The following LSAMP variants were observed in gnomAD, a reference collection of about 807,000 sequenced individuals.
LSAMP encodes limbic system associated membrane protein, also known as limbic system-associated membrane protein.
In LSAMP, 7 loss-of-function variants were observed where a neutral mutation model predicts 38.6. That is an observed-to-expected ratio of 0.18 (90% CI 0.10 to 0.34). The LOEUF (loss-of-function observed/expected upper bound fraction) is 0.34, where lower values mean the gene tolerates loss of function less well. LSAMP is among the 10% of genes least tolerant of loss of function. The pLI is 1.00. For missense variants in LSAMP, 313 were observed against 420.0 expected (o/e 0.75, Z 2.23); for synonymous variants, 154 against 166.8 (o/e 0.92, Z 0.59).
chr3:115,947,379 C>T (rs1938133896), intron 3 of LSAMP, among the ~76,000 whole-genome samples: 1 of 152,122 alleles, frequency 6.6e-6, no homozygotes. Context: ...TGGTATGATG[C>T]TGTGCATGAA....
chr3:116,243,839 C>T (rs2046570774), intron 1 of LSAMP, among the ~76,000 whole-genome samples: 2 of 151,984 alleles, frequency 1.3e-5, no homozygotes, highest in Admixed American at 1.3e-4. Flanking sequence ...TAAAGCCAGG[C>T]TTAATTTATT....
intron 1 of LSAMP, among the ~76,000 whole-genome samples, chr3:116,149,173 C>A (rs1709555338): frequency 6.6e-6 from 1 of 151,834 alleles, no homozygotes. Flanking sequence ...GCCCTCATGC[C>A]CTCAATGTGC....
At chr3:116,142,315 C>A (rs1035222792) in intron 1 of LSAMP, among the ~76,000 whole-genome samples, 1 of 151,992 alleles carries the variant, frequency 6.6e-6, no homozygotes, top group South Asian at 2.1e-4. Flanking sequence ...CCAGGAATGA[C>A]CCACCTAGGC....
intron 1 of LSAMP, among the ~76,000 whole-genome samples, chr3:116,218,924 A>G (rs1310033555): frequency 6.6e-6 from 1 of 152,212 alleles, no homozygotes; most frequent in Non-Finnish European, 1.5e-5. Context: ...CCCAAGTACA[A>G]AAGAACCATA....
At chr3:115,935,493 C>A (rs1342642783) in intron 3 of LSAMP, among the ~76,000 whole-genome samples, 2 of 152,168 alleles carry the variant, frequency 1.3e-5, no homozygotes, top group Admixed American at 6.5e-5. Flanking sequence ...CTCGTCCCAG[C>A]AGAATGGAAG....
chr3:115,932,010 C>T (rs1487330789), intron 3 of LSAMP, among the ~76,000 whole-genome samples: 2 of 151,960 alleles, frequency 1.3e-5, no homozygotes, highest in East Asian at 3.9e-4. Flanking sequence ...TGGACTCAAG[C>T]AGTTTACAGT....
chr3:115,931,348 C>A (rs1002812996), intron 3 of LSAMP, among the ~76,000 whole-genome samples: 30 of 152,208 alleles, frequency 2.0e-4, no homozygotes, highest in African/African-American at 6.8e-4. Context: ...GAGGTCATGA[C>A]TAAGTTGAGA....
chr3:116,032,931 G>A (rs1375329704), intron 2 of LSAMP, among the ~76,000 whole-genome samples: 1 of 152,136 alleles, frequency 6.6e-6, no homozygotes, highest in Non-Finnish European at 1.5e-5. Context: ...TGGTTAGGTG[G>A]GTAGCTGTGC....
At chr3:115,881,735 C>A (rs1244598625) in intron 3 of LSAMP, among the ~76,000 whole-genome samples, 1 of 152,094 alleles carries the variant, frequency 6.6e-6, no homozygotes, top group African/African-American at 2.4e-5. Flanking sequence ...AAATATCATC[C>A]TTCCCATAAA....
chr3:116,201,035 G>T (rs973867177), intron 1 of LSAMP, among the ~76,000 whole-genome samples: 1 of 152,236 alleles, frequency 6.6e-6, no homozygotes, highest in Non-Finnish European at 1.5e-5. Context: ...CAAGTGAGGA[G>T]CACGCTTAGC....
chr3:116,094,643 C>A (rs1441306619), intron 1 of LSAMP, among the ~76,000 whole-genome samples: 1 of 152,154 alleles, frequency 6.6e-6, no homozygotes, highest in Admixed American at 6.5e-5. Flanking sequence ...AGGTGGTAAA[C>A]CCACAGGAAC....
At chr3:116,374,181 C>G (rs1022198937) in intron 1 of LSAMP, among the ~76,000 whole-genome samples, 1 of 151,868 alleles carries the variant, frequency 6.6e-6, no homozygotes, top group African/African-American at 2.4e-5. Context: ...TTTTAGAAAA[C>G]ATGATTAATA....
intron 1 of LSAMP, among the ~76,000 whole-genome samples, chr3:116,263,222 C>T (rs2046848966): frequency 6.6e-6 from 1 of 152,106 alleles, no homozygotes. Flanking sequence ...CTCTCAACCG[C>T]AGGAACTGAT....
chr3:116,220,463 G>T, intron 1 of LSAMP, among the ~76,000 whole-genome samples: 1 of 151,716 alleles, frequency 6.6e-6, no homozygotes, highest in East Asian at 1.9e-4. Context: ...GCTGAAGTTA[G>T]AAAAGAAACC....
chr3:116,295,367 C>T (rs996317761), intron 1 of LSAMP, among the ~76,000 whole-genome samples: 2 of 152,180 alleles, frequency 1.3e-5, no homozygotes, highest in Non-Finnish European at 2.9e-5. Flanking sequence ...GGGTGACATT[C>T]GTGGATCCAC....
chr3:116,342,398 G>A (rs2048008175), intron 1 of LSAMP, among the ~76,000 whole-genome samples: 1 of 151,870 alleles, frequency 6.6e-6, no homozygotes, highest in Non-Finnish European at 1.5e-5. Flanking sequence ...AAACAATAAA[G>A]GAAAGAAAAT....
At chr3:115,893,714 T>C (rs1222780340) in intron 3 of LSAMP, among the ~76,000 whole-genome samples, 1 of 150,996 alleles carries the variant, frequency 6.6e-6, no homozygotes, top group Non-Finnish European at 1.5e-5. Context: ...ATTAGATGTA[T>C]ATCAGGCAAT....
intron 1 of LSAMP, among the ~76,000 whole-genome samples, chr3:116,259,642 A>G (rs1392626641): frequency 1.3e-5 from 2 of 152,188 alleles, no homozygotes; most frequent in Non-Finnish European, 2.9e-5. Context: ...GCACTACATA[A>G]ATGTGTGATG....
chr3:116,423,024 T>C (rs1469117249), intron 1 of LSAMP, among the ~76,000 whole-genome samples: 1 of 152,176 alleles, frequency 6.6e-6, no homozygotes, highest in African/African-American at 2.4e-5. Context: ...ATTTCTCTTA[T>C]TTACTACTTT....
Sources: gnomAD v4.1 joint callset for allele counts (sites outside exome capture counted in the v4.1 genomes callset) on GRCh38, gnomAD v4.1.1 for gene constraint, MANE v1.5 for transcripts, NCBI Gene and HGNC (gene_info 2026-07-23, HGNC 2026-07-21) for gene names.